Variants in WEE2 observed in about 807,000 individuals in gnomAD.
The protein encoded by WEE2 is WEE2 oocyte meiosis inhibiting kinase.
Under a neutral mutation model 60.1 loss-of-function variants are expected in WEE2, and 50 were observed. The ratio of observed to expected loss-of-function variants is 0.83; its 90% CI spans 0.66 to 1.05. The LOEUF (loss-of-function observed/expected upper bound fraction) is 1.05, where lower values mean the gene tolerates loss of function less well. Among genes scored for constraint, WEE2 ranks in the 50% least tolerant of loss-of-function variants. The probability of loss-of-function intolerance (pLI) is 0.00; values close to 1 mark genes in which losing one functional copy is unlikely to be tolerated. For synonymous variants in WEE2, 240 were observed against 241.0 expected, an observed-to-expected ratio of 1.00 and a Z score of 0.04; for missense variants, 631 against 684.3, an observed-to-expected ratio of 0.92 and a Z score of 0.87.
chr7:141,714,847 G>A (rs1170072200), intron 2 of WEE2, among the ~76,000 whole-genome samples: 1 of 152,202 alleles, frequency 6.6e-6, no homozygotes, highest in Non-Finnish European at 1.5e-5. Context: ...GGTGATGGAA[G>A]ATTGGCTGAA....
rs1286691063 is a variant in WEE2, at chr7:141,708,852, G to C, written c.94G>C (p.Glu32Gln). The change falls in exon 1 of 12, where the codon GAA becomes CAA. Residue 32 changes from glutamate to glutamine, a missense_variant. Glu to Gln is a conservative substitution (Grantham distance 29). Coordinates refer to ENST00000397541, the MANE Select transcript of WEE2 (RefSeq NM_001105558.1). ...GATTGAAGGGCAGAAGAAAGTAGAA[G>C]AAAGCAGGGAGGCTTCGAGCCAAAC... ...TEIEGQKKVE[E>Q]SREASSQTPE... 6.2e-7 allele frequency: 1 copy of C among 1,614,174 alleles called. No individual in the cohort carries two copies. Among genetic ancestry groups the C allele is most frequent in the Non-Finnish European group, 8.5e-7 (1 of 1,180,028 alleles).
Position 141,709,029 on chromosome 7 carries a change from T to C in WEE2, c.271T>C (p.Cys91Arg), listed in dbSNP as rs200628078. 8.7e-6 allele frequency: 14 copies of C among 1,614,112 alleles called. No individual in the cohort carries two copies. The African/African-American group carries it at 1.1e-4, about 12-fold the overall frequency. Residue 91 changes from cysteine to arginine, a missense_variant, in exon 1 of 12, where the codon TGT becomes CGT. Coordinates refer to ENST00000397541, the MANE Select transcript of WEE2 (RefSeq NM_001105558.1). ...GACTCCAGTGTCACACCCTCTCAAA[T>C]GTCCTGAGACACCAGCCCAACCAGA... ...LRTPVSHPLK[C>R]PETPAQPDSR...
chr7:141,724,106 A>T (rs1214358433), intron 7 of WEE2, 58 bp downstream of exon 7: 1 of 1,564,508 alleles, frequency 6.4e-7, no homozygotes, highest in East Asian at 2.2e-5. Flanking sequence ...TATAGTGATG[A>T]CTCAATTTAT....
At position 141,708,963 on chromosome 7, in the gene WEE2, T is replaced by G; in HGVS notation, c.205T>G (p.Ser69Ala). 6.2e-7 allele frequency: 1 copy of G among 1,614,104 alleles called. No individual in the cohort carries two copies. Among genetic ancestry groups the G allele is most frequent in the South Asian group, 1.1e-5 (1 of 91,080 alleles). Residue 69 changes from serine to alanine, a missense_variant, in exon 1 of 12, where the codon TCT (serine) becomes GCT (alanine). Coordinates refer to ENST00000397541, the MANE Select transcript of WEE2 (RefSeq NM_001105558.1). ...PLSNVHELDT[S>A]SEKDKESPDQ... The stretch of plus-strand genomic sequence containing the variant: ...TAGCAACGTGCATGAGCTCGACACA[T>G]CTTCGGAAAAAGACAAAGAAAGTCC...
chr7:141,727,600 G>A (rs1033993763), intron 10 of WEE2, 154 bp downstream of exon 10: 24 of 966,640 alleles, frequency 2.5e-5, no homozygotes, highest in South Asian at 4.2e-5. Flanking sequence ...GGCAGCATGC[G>A]GCTCTTTGTA....
chr7:141,713,367 T>C (rs1798739462), intron 1 of WEE2, among the ~76,000 whole-genome samples: 1 of 152,194 alleles, frequency 6.6e-6, no homozygotes, highest in Non-Finnish European at 1.5e-5. Flanking sequence ...GCTACTCCTC[T>C]GGCCCCTGAC....
chr7:141,728,488 TAAAG>T (rs535648703), intron 10 of WEE2, among the ~76,000 whole-genome samples: 177 of 152,306 alleles, frequency 1.2e-3, no homozygotes, highest in African/African-American at 3.9e-3. Context: ...TCCCAGCTAA[TAAAG>T]AAAGTACAAA....
At chr7:141,713,023 C>T (rs1450289471) in intron 1 of WEE2, among the ~76,000 whole-genome samples, 3 of 151,918 alleles carry the variant, frequency 2.0e-5, no homozygotes, top group Non-Finnish European at 4.4e-5. Context: ...TTCAAGCAGC[C>T]CTATGAACTC....
At position 141,709,101 on chromosome 7, in the gene WEE2, G is replaced by C; in HGVS notation, c.342+1G>C. On this transcript the variant is annotated splice_donor_variant, in intron 1 of 11. Transcript: ENST00000397541. LOFTEE classifies it high-confidence loss of function. ...CAGTGACAGCCCCTCTACTCCCAAA[G>C]TAAGTAAGGGGTGGGGGAAAAAGGG... The C allele has an allele frequency of 6.2e-7, 1 of 1,610,898 alleles. No individual in the cohort carries two copies. Among genetic ancestry groups the C allele is most frequent in the Non-Finnish European group, 8.5e-7 (1 of 1,177,858 alleles).
intron 9 of WEE2, among the ~76,000 whole-genome samples, chr7:141,725,653 G>A (rs1490081631): frequency 4.0e-5 from 6 of 151,482 alleles, no homozygotes; most frequent in African/African-American, 7.3e-5. Flanking sequence ...AGCAGGCAGC[G>A]GAGGGGGCGT....
At chr7:141,721,192 G>A in intron 5 of WEE2, 136 bp downstream of exon 5, 1 of 1,012,888 alleles carries the variant, frequency 9.9e-7, no homozygotes, top group Non-Finnish European at 1.4e-6. Context: ...ATATATTATA[G>A]TCTTGCTTGG....
chr7:141,708,944 C>G lies in WEE2; in HGVS notation c.186C>G (p.Asn62Lys). The G allele has an allele frequency of 6.2e-7, 1 of 1,614,116 alleles. No homozygotes were observed. The change falls in exon 1 of 12, where the codon AAC (asparagine) becomes AAG (lysine). Residue 62 changes from asparagine to lysine, a missense_variant. Transcript: ENST00000397541. ...CACCACCTTGGACTCCCCTTAGCAACGTGCATGAGCTCGACACATCTTCGG... is the reference window on the plus strand; with the variant it reads ...CACCACCTTGGACTCCCCTTAGCAAGGTGCATGAGCTCGACACATCTTCGG... ...KGTPPWTPLSNVHELDTSSEK... is the reference protein window; with the variant it reads ...KGTPPWTPLSKVHELDTSSEK...
Position 141,723,142 on chromosome 7 carries a change from T to C in WEE2, c.889T>C (p.Leu297=). The change falls in exon 6 of 12, where the codon TTG becomes CTG. Residue 297 remains leucine, a synonymous_variant. Transcript: ENST00000397541. ...CTGTTGTTCTTTCCCAGGTGGGAGTTTGCAAGCTGCTATATCTGAAAACAC... is the reference window on the plus strand; with the variant it reads ...CTGTTGTTCTTTCCCAGGTGGGAGTCTGCAAGCTGCTATATCTGAAAACAC... ...IQNEYCNGGS[L]QAAISENTKS... is the part of the protein sequence containing the mutation. The C allele has an allele frequency of 6.2e-7, 1 of 1,614,140 alleles. No individual in the cohort carries two copies. The highest frequency in any genetic ancestry group is 1.1e-5 in the South Asian group (1 of 91,070).
Position 141,730,561 on chromosome 7 carries a change from C to T in WEE2, c.*241C>T, listed in dbSNP as rs910065547. ...GAGGAAGTGGGTCTCCTAATGTATA[C>T]CCTTTCTGATATTGTATTTATTAAA... On this transcript the variant is annotated 3_prime_UTR_variant, in exon 12 of 12. Coordinates refer to ENST00000397541, the MANE Select transcript of WEE2 (RefSeq NM_001105558.1). 7.4e-5 allele frequency: 33 copies of T among 446,484 alleles called. No homozygotes were observed. The highest frequency in any genetic ancestry group is 6.4e-4 in the African/African-American group (32 of 49,714). 27.7% of individuals were successfully genotyped at this position (446,484 alleles called of 1,614,324 possible).
chr7:141,728,386 A>T (rs1003336790), intron 10 of WEE2, among the ~76,000 whole-genome samples: 5 of 152,344 alleles, frequency 3.3e-5, no homozygotes, highest in African/African-American at 1.2e-4. Flanking sequence ...CTTAGTATTA[A>T]TAATAACTTG....
chr7:141,719,367 C>A, intron 4 of WEE2, 123 bp downstream of exon 4: 3 of 918,592 alleles, frequency 3.3e-6, no homozygotes, highest in South Asian at 1.9e-5. Flanking sequence ...AATCACCCCA[C>A]ATTATATGTT....
intron 4 of WEE2, among the ~76,000 whole-genome samples, chr7:141,719,777 T>G (rs1798873271): frequency 6.6e-6 from 1 of 152,188 alleles, no homozygotes. Flanking sequence ...TGTTTTGTTT[T>G]GTTTTTTTGT....
intron 11 of WEE2, 49 bp downstream of exon 11, chr7:141,729,722 C>A (rs1419806790): frequency 6.4e-7 from 1 of 1,574,116 alleles, no homozygotes; most frequent in Non-Finnish European, 8.6e-7. Context: ...GGCGTGGTGG[C>A]TCACGCCTGT....
In WEE2 at chr7:141,714,354, A is replaced by T. The variant is rs759030825; in HGVS notation, c.488A>T (p.Tyr163Phe). The T allele has an allele frequency of 6.2e-7, 1 of 1,612,882 alleles. No individual in the cohort carries two copies. Among genetic ancestry groups the T allele is most frequent in the Non-Finnish European group, 8.5e-7 (1 of 1,179,552 alleles). The change falls in exon 2 of 12, where the codon TAT becomes TTT. Residue 163 changes from tyrosine to phenylalanine, a missense_variant. Transcript: ENST00000397541. ...ATTAATCCCTTCACTCCAGAGTCCT[A>T]TAAAAAATTATTTCTTCAATCTGGT... ...VNINPFTPESYKKLFLQSGGK... is the reference protein window; with the variant it reads ...VNINPFTPESFKKLFLQSGGK...
Sources: gnomAD v4.1 joint callset for allele counts (sites outside exome capture counted in the v4.1 genomes callset) on GRCh38, gnomAD v4.1.1 for gene constraint, MANE v1.5 for transcripts, NCBI Gene and HGNC (gene_info 2026-07-23, HGNC 2026-07-21) for gene names.